Variants in ITK observed in about 807,000 individuals in gnomAD.
ITK encodes the protein tyrosine-protein kinase ITK/TSK.
In ITK, 45 loss-of-function variants were observed where a neutral mutation model predicts 87.6. The ratio of observed to expected loss-of-function variants is 0.51; its 90% CI spans 0.40 to 0.66. ITK has a LOEUF of 0.66. Among genes scored for constraint, ITK ranks in the 30% least tolerant of loss-of-function variants. The probability of loss-of-function intolerance (pLI) is 0.00; values close to 1 mark genes in which losing one functional copy is unlikely to be tolerated. For synonymous variants in ITK, 303 were observed against 273.6 expected, an observed-to-expected ratio of 1.11 and a Z score of -1.06; for missense variants, 605 against 766.3, an observed-to-expected ratio of 0.79 and a Z score of 2.48.
chr5:157,238,198 A>G lies in ITK; in HGVS notation c.851+7A>G, dbSNP rs1754816100. 2 of 1,606,418 alleles carry G rather than the reference A, an allele frequency of 1.2e-6. No homozygotes were observed. Among genetic ancestry groups the G allele is most frequent in the African/African-American group, 2.7e-5 (2 of 74,916 alleles). On this transcript the variant is annotated splice_region_variant and intron_variant, in intron 9 of 16. Coordinates refer to ENST00000422843, the MANE Select transcript of ITK (RefSeq NM_005546.4). ...TCACCAAGGCTGTTGTAAGGTATGG[A>G]GCTAACTCTGCTCAGCAAAGTGGAG...
chr5:157,232,476 G>T lies in ITK; in HGVS notation c.768+82G>T, dbSNP rs979019664. 1.5e-5 allele frequency: 15 copies of T among 986,420 alleles called. No homozygotes were observed. The South Asian group carries it at 1.8e-4, about 12-fold the overall frequency. 61.1% of individuals were successfully genotyped at this position (986,420 alleles called of 1,614,324 possible). Reference sequence around the variant, plus strand: ...TCATGTCTGGAATCCCAGCGATTTGGCAGGCCAAGGTGGGAGGATCACTTG... The same window carrying T: ...TCATGTCTGGAATCCCAGCGATTTGTCAGGCCAAGGTGGGAGGATCACTTG... On this transcript the variant is annotated intron_variant, in intron 8 of 16. Coordinates refer to ENST00000422843, the MANE Select transcript of ITK (RefSeq NM_005546.4).
At position 157,254,771 on chromosome 5, in the gene ITK, C is replaced by T. The variant is rs1755218350; in HGVS notation, c.*2093C>T. 1 of 218,622 alleles carries T rather than the reference C, an allele frequency of 4.6e-6. No homozygotes were observed. Among genetic ancestry groups the T allele is most frequent in the Admixed American group, 5.8e-5 (1 of 17,268 alleles). 13.5% of individuals were successfully genotyped at this position (218,622 alleles called of 1,614,324 possible). A position where few individuals can be genotyped will look rare whatever the true frequency, so the allele number is the denominator to read the frequency against. On this transcript the variant is annotated 3_prime_UTR_variant, in exon 17 of 17. Transcript: ENST00000422843. ...AGAAAACATTGGAATTGACTGATCT[C>T]TGTGGTTTGGTTTAGAAAATTCCCC...
chr5:157,236,200 C>T (rs2113769750), intron 8 of ITK, among the ~76,000 whole-genome samples: 1 of 152,158 alleles, frequency 6.6e-6, no homozygotes, highest in Middle Eastern at 3.4e-3. Context: ...ATAGTGAAAC[C>T]TCATCTCTAC....
intron 8 of ITK, among the ~76,000 whole-genome samples, chr5:157,235,185 A>G (rs1754752842): frequency 6.6e-6 from 1 of 152,214 alleles, no homozygotes; most frequent in African/African-American, 2.4e-5. Context: ...GACCTGGGTG[A>G]TCATAAGCAT....
At position 157,253,724 on chromosome 5, in the gene ITK, A is replaced by C. The variant is rs1412698775; in HGVS notation, c.*1046A>C. 2 of 220,502 alleles carry C rather than the reference A, an allele frequency of 9.1e-6. No homozygotes were observed. Among genetic ancestry groups the C allele is most frequent in the African/African-American group, 2.2e-5 (1 of 44,612 alleles). The allele number at this position is 220,502 out of a possible 1,614,324, so 13.7% of individuals were successfully genotyped here. A position where few individuals can be genotyped will look rare whatever the true frequency, so the allele number is the denominator to read the frequency against. Reference sequence around the variant, plus strand: ...ACTTGTTTAGGCCCTAGGGTTGAGCAATTTTAAGGTTGAGACTCCAAGTCT... The same window carrying C: ...ACTTGTTTAGGCCCTAGGGTTGAGCCATTTTAAGGTTGAGACTCCAAGTCT... On this transcript the variant is annotated 3_prime_UTR_variant, in exon 17 of 17. Transcript: ENST00000422843.
rs772820944 is a variant in ITK at position 157,238,209 on chromosome 5, C to T, written c.851+18C>T. The T allele has an allele frequency of 5.7e-6, 9 of 1,584,928 alleles. No homozygotes were observed. In the African/African-American group the frequency reaches 1.2e-4, roughly 21 times the overall value. ...GTTGTAAGGTATGGAGCTAACTCTG[C>T]TCAGCAAAGTGGAGAGAAACACTTC... is the stretch of plus-strand genomic sequence containing the variant. On this transcript the variant is annotated intron_variant, in intron 9 of 16. Coordinates refer to ENST00000422843, the MANE Select transcript of ITK (RefSeq NM_005546.4).
In ITK at chr5:157,243,742, C is replaced by T. The variant is rs202119873; in HGVS notation, c.1180C>T (p.Arg394Trp). 12 of 1,613,844 alleles carry T rather than the reference C, an allele frequency of 7.4e-6. No individual in the cohort carries two copies. The highest frequency in any genetic ancestry group is 2.7e-5 in the African/African-American group (2 of 74,822). ...NKDKVAIKTIREGAMSEEDFI... is the reference protein window; with the variant it reads ...NKDKVAIKTIWEGAMSEEDFI... Reference sequence around the variant, plus strand: ...GGACAAGGTGGCTATCAAAACCATTCGGGAAGGGGCTATGTCAGAAGAGGA... The same window carrying T: ...GGACAAGGTGGCTATCAAAACCATTTGGGAAGGGGCTATGTCAGAAGAGGA... The change falls in exon 12 of 17, where the codon CGG (arginine) becomes TGG (tryptophan). Residue 394 changes from arginine to tryptophan, a missense_variant. Physicochemically the swap from Arg to Trp is moderately radical, Grantham distance 101. Transcript: ENST00000422843.
In ITK at chr5:157,239,952, C is replaced by T. The variant is rs11134632; in HGVS notation, c.852-110C>T. The T allele has an allele frequency of 1.0e-3, 1,116 of 1,096,694 alleles. 10 individuals are homozygous for T. The African/African-American group carries it at 0.016, about 16-fold the overall frequency. The allele number at this position is 1,096,694 out of a possible 1,614,324, so 67.9% of individuals were successfully genotyped here. A position where few individuals can be genotyped will look rare whatever the true frequency, so the allele number is the denominator to read the frequency against. On this transcript the variant is annotated intron_variant, in intron 9 of 16. Transcript: ENST00000422843. ...TTATAAGTTGAACAATATCTGCCAC[C>T]TTGTGAGAGGTTATAAGACAAAGAT...
At chr5:157,234,879 C>A (rs1008500507) in intron 8 of ITK, among the ~76,000 whole-genome samples, 4 of 152,030 alleles carry the variant, frequency 2.6e-5, no homozygotes, top group Non-Finnish European at 2.9e-5. Context: ...CACATGTATA[C>A]CCATGTAACA....
intron 15 of ITK, among the ~76,000 whole-genome samples, chr5:157,248,492 A>G (rs1180763434): frequency 1.3e-5 from 2 of 152,116 alleles, no homozygotes; most frequent in Non-Finnish European, 2.9e-5. Flanking sequence ...TCTCCTTAAG[A>G]CAGAACTGTT....
chr5:157,185,584 G>A (rs754794186), intron 1 of ITK, among the ~76,000 whole-genome samples: 21 of 151,460 alleles, frequency 1.4e-4, no homozygotes, highest in South Asian at 6.3e-4. Flanking sequence ...AGAGACTCAC[G>A]CCTGCAATCC....
At chr5:157,217,829 C>A in intron 4 of ITK, 38 bp from the exon 5 acceptor site, 1 of 1,604,418 alleles carries the variant, frequency 6.2e-7, no homozygotes, top group South Asian at 1.1e-5. Flanking sequence ...CATTAGTTTT[C>A]ATGCTCATTT....
rs1415773334 is a variant in ITK, at chr5:157,254,282, C to A, written c.*1604C>A. 4.4e-6 allele frequency: 1 copy of A among 228,318 alleles called. No homozygotes were observed. The highest frequency in any genetic ancestry group is 6.3e-5 in the East Asian group (1 of 15,964). 14.1% of individuals were successfully genotyped at this position (228,318 alleles called of 1,614,324 possible). A position where few individuals can be genotyped will look rare whatever the true frequency, so the allele number is the denominator to read the frequency against. On this transcript the variant is annotated 3_prime_UTR_variant, in exon 17 of 17. Coordinates refer to ENST00000422843, the MANE Select transcript of ITK (RefSeq NM_005546.4). ...GGATTTTCCTTTTCCTATTCTGTAT[C>A]CTTACCTTGGTCATGTTAATGACTT...
chr5:157,186,786 G>C (rs1753653104), intron 1 of ITK, among the ~76,000 whole-genome samples: 1 of 152,120 alleles, frequency 6.6e-6, no homozygotes, highest in South Asian at 2.1e-4. Context: ...ACCTGGGACT[G>C]TCAGCATATC....
At chr5:157,215,877 CG>C (rs1463403068) in intron 4 of ITK, among the ~76,000 whole-genome samples, 1 of 152,212 alleles carries the variant, frequency 6.6e-6, no homozygotes, top group African/African-American at 2.4e-5. Flanking sequence ...TATTCCTCTT[CG>C]GGGCGCAAGT....
At chr5:157,186,380 AAG>A (rs1029144390) in intron 1 of ITK, among the ~76,000 whole-genome samples, 13 of 150,958 alleles carry the variant, frequency 8.6e-5, no homozygotes, top group South Asian at 6.2e-4. Context: ...AAAAAAAAAA[AAG>A]AGAGAGAGAG....
intron 2 of ITK, among the ~76,000 whole-genome samples, chr5:157,209,803 A>G (rs1754151726): frequency 6.6e-6 from 1 of 152,210 alleles, no homozygotes; most frequent in South Asian, 2.1e-4. Flanking sequence ...AATGTATTAA[A>G]CGATATTAAA....
chr5:157,241,679 T>C lies in ITK; in HGVS notation c.1019T>C (p.Phe340Ser), dbSNP rs1398830172. 6.2e-7 allele frequency: 1 copy of C among 1,614,076 alleles called. No individual in the cohort carries two copies. The highest frequency in any genetic ancestry group is 2.2e-5 in the East Asian group (1 of 44,886). Residue 340 changes from phenylalanine to serine, a missense_variant, in exon 11 of 17, where the codon TTT becomes TCT. By Grantham distance (155) the Phe-to-Ser change is radical (BLOSUM62 -2). Around this residue, in one of 3 missense-constraint regions of ITK, gnomAD observed 464 missense variants for 578.0 expected, o/e 0.80. Transcript: ENST00000422843. The part of the protein sequence containing the change: ...LVTRLRYPVC[F>S]GRQKAPVTAG... The stretch of plus-strand genomic sequence containing the variant: ...ACTCGACTCCGGTATCCAGTTTGTT[T>C]TGGGAGGCAGAAAGCCCCAGTTACA...
In ITK at chr5:157,252,619, C is replaced by T. The variant is rs781475918; in HGVS notation, c.1804C>T (p.Arg602Trp). ...NHCWKERPED[R>W]PAFSRLLRQL... ...TTTCCCTCTCCAGAGACCAGAAGAT[C>T]GGCCAGCCTTCTCCAGACTGCTGCG... Residue 602 changes from arginine (R) to tryptophan (W), a missense_variant, in exon 17 of 17, where the codon CGG becomes TGG. By Grantham distance (101) the Arg-to-Trp change is moderately radical (BLOSUM62 -3). This residue lies in a region of ITK where 71 missense variants were observed against 65.8 expected (regional missense o/e 1.08). Coordinates refer to ENST00000422843, the MANE Select transcript of ITK (RefSeq NM_005546.4). The T allele has an allele frequency of 2.5e-6, 4 of 1,613,666 alleles. No individual in the cohort carries two copies. The highest frequency in any genetic ancestry group is 1.3e-5 in the African/African-American group (1 of 74,930).
Sources: allele counts gnomAD v4.1 joint callset (sites outside exome capture counted in the v4.1 genomes callset), GRCh38; gene constraint gnomAD v4.1.1; regional missense constraint gnomAD v4.1.1; transcripts MANE v1.5; gene names NCBI Gene and HGNC (gene_info 2026-07-23, HGNC 2026-07-21).